Variants in DNAAF1 observed in about 807,000 individuals in gnomAD.
DNAAF1 encodes dynein axonemal assembly factor 1, also known as dynein assembly factor 1, axonemal.
Under a neutral mutation model 71.1 loss-of-function variants are expected in DNAAF1, and 65 were observed. The observed-to-expected ratio is 0.91, with a 90% CI of 0.75 to 1.12. The LOEUF is 1.12. Among genes scored for constraint, DNAAF1 ranks in the 50% most tolerant of loss-of-function variants. The probability of loss-of-function intolerance (pLI) is 0.00; values close to 1 mark genes in which losing one functional copy is unlikely to be tolerated. For missense variants in DNAAF1, 1,178 were observed against 899.8 expected (o/e 1.31, Z -3.96); for synonymous variants, 414 against 354.6 (o/e 1.17, Z -1.88).
At chr16:84,170,809 G>A (rs2088291467) in intron 8 of DNAAF1, among the ~76,000 whole-genome samples, 2 of 152,066 alleles carry the variant, frequency 1.3e-5, no homozygotes. Context: ...TCCAGCCTGG[G>A]TGACAGAGTG....
chr16:84,153,185 G>T (rs2087262669), intron 3 of DNAAF1, among the ~76,000 whole-genome samples: 1 of 152,132 alleles, frequency 6.6e-6, no homozygotes, highest in Non-Finnish European at 1.5e-5. Flanking sequence ...ACTGACTTCA[G>T]CATGAAGACC....
intron 8 of DNAAF1, 142 bp from the exon 9 acceptor site, chr16:84,172,118 C>G: frequency 1.3e-6 from 1 of 769,594 alleles, no homozygotes; most frequent in Non-Finnish European, 2.3e-6. Context: ...ACCTTGTGAT[C>G]CGCCCACCTT....
intron 5 of DNAAF1, among the ~76,000 whole-genome samples, chr16:84,157,593 T>G (rs193238557): frequency 8.5e-4 from 129 of 152,142 alleles, no homozygotes; most frequent in Non-Finnish European, 1.2e-3. Flanking sequence ...GAGTCCTCGC[T>G]AGTAGCCTTT....
chr16:84,155,667 T>A lies in DNAAF1; in HGVS notation c.659T>A (p.Leu220Ter). ...VEDIQHLQEC[L>*]RLCVLDLSHN... ...GACATTCAGCATCTACAAGAGTGTT[T>A]GAGGCTTTGTGTCCTTGACCTTTCG... The change falls in exon 5 of 12, where the codon TTG becomes TAG. Residue 220 changes from leucine to a stop codon, truncating the protein, a stop_gained. Transcript: ENST00000378553. LOFTEE classifies it high-confidence loss of function. The A allele has an allele frequency of 6.2e-7, 1 of 1,614,162 alleles. No individual in the cohort carries two copies. The highest frequency in any genetic ancestry group is 8.5e-7 in the Non-Finnish European group (1 of 1,180,038).
chr16:84,165,294 C>T (rs963857860), intron 6 of DNAAF1, among the ~76,000 whole-genome samples: 2 of 151,994 alleles, frequency 1.3e-5, no homozygotes, highest in Non-Finnish European at 2.9e-5. Context: ...TTTCCAGGTA[C>T]AAGACCCTTA....
chr16:84,155,812 CA>C, intron 5 of DNAAF1, 63 bp downstream of exon 5: 4 of 1,582,956 alleles, frequency 2.5e-6, no homozygotes, highest in Non-Finnish European at 3.4e-6. Context: ...TTATTTTCAT[CA>C]AATATCAAGT....
chr16:84,174,176 A>T (rs1396779270), intron 9 of DNAAF1: 1 of 1,006,194 alleles, frequency 9.9e-7, no homozygotes, highest in African/African-American at 1.7e-5. Context: ...CATGCATCCA[A>T]CCACACACTA....
At position 84,172,294 on chromosome 16, in the gene DNAAF1, A is replaced by G. The variant is rs2088404990; in HGVS notation, c.1563A>G (p.Val521=). 6.2e-7 allele frequency: 1 copy of G among 1,614,212 alleles called. No individual in the cohort carries two copies. The highest frequency in any genetic ancestry group is 1.1e-5 in the South Asian group (1 of 91,072). The change falls in exon 9 of 12, where the codon GTA becomes GTG. Residue 521 remains valine (V), a synonymous_variant. Transcript: ENST00000378553. ...CCCAGGCTGTGGCCACTGAGGGTGT[A>G]TTCGTTACAGAACTTGATGGAACGA... The part of the protein sequence containing the change: ...PTPQAVATEG[V]FVTELDGTRT...
chr16:84,147,949 T>A (rs1010071873), intron 1 of DNAAF1, among the ~76,000 whole-genome samples: 2 of 151,888 alleles, frequency 1.3e-5, no homozygotes, highest in African/African-American at 4.8e-5. Context: ...GCGCTGGTAA[T>A]CCTAGCTACT....
chr16:84,154,270 C>T (rs1194986310), intron 3 of DNAAF1, among the ~76,000 whole-genome samples: 1 of 152,122 alleles, frequency 6.6e-6, no homozygotes, highest in Non-Finnish European at 1.5e-5. Context: ...CTGGTGAGAG[C>T]TTGCTTTTTT....
chr16:84,167,112 T>A (rs1376791496), intron 7 of DNAAF1, among the ~76,000 whole-genome samples: 1 of 152,208 alleles, frequency 6.6e-6, no homozygotes, highest in Non-Finnish European at 1.5e-5. Flanking sequence ...AGGGTTCCCA[T>A]GACCCTCTCT....
At chr16:84,148,596 C>CTCTCTTTTTTTTTTTTTTTT in intron 1 of DNAAF1, among the ~76,000 whole-genome samples, 17 of 43,570 alleles carry the variant, frequency 3.9e-4, no homozygotes, top group African/African-American at 7.4e-4. Context: ...CTCTCTCTCT[C>CTCTCTTTTTTTTTTTTTTTT]TTTTTTTTTT....
chr16:84,163,041 T>A (rs757021706), intron 6 of DNAAF1, among the ~76,000 whole-genome samples: 2 of 152,180 alleles, frequency 1.3e-5, no homozygotes, highest in Non-Finnish European at 2.9e-5. Context: ...CATCCAGTAC[T>A]TCATTCCTTT....
In DNAAF1 at chr16:84,172,340, A is replaced by G. The variant is rs1176933189; in HGVS notation, c.1609A>G (p.Ile537Val). The change falls in exon 9 of 12, where the codon ATT (isoleucine) becomes GTT (valine). Residue 537 changes from isoleucine to valine, a missense_variant. Ile to Val is a conservative substitution (Grantham distance 29). Coordinates refer to ENST00000378553, the MANE Select transcript of DNAAF1 (RefSeq NM_178452.6). ...DGTRTEDLET[I>V]RLETKETFCI... ...AACGAGAACGGAAGATTTAGAAACCATTAGACTGGAGACAAAGGAGACATT... is the reference window on the plus strand; with the variant it reads ...AACGAGAACGGAAGATTTAGAAACCGTTAGACTGGAGACAAAGGAGACATT... 6 of 1,614,250 alleles carry G rather than the reference A, an allele frequency of 3.7e-6. No homozygotes were observed. The highest frequency in any genetic ancestry group is 1.6e-4 in the Middle Eastern group (1 of 6,062).
chr16:84,166,032 TG>T lies in DNAAF1; in HGVS notation c.1030+86del, dbSNP rs569109319. Reference sequence around the variant, plus strand: ...AGCTCTCAAACCCAGTCTTTAATCTTGGGAATTTTTTTTTTTTTTTTTTTTT... The same window carrying T: ...AGCTCTCAAACCCAGTCTTTAATCTTGGAATTTTTTTTTTTTTTTTTTTTT... On this transcript the variant is annotated intron_variant, in intron 7 of 11. Transcript: ENST00000378553. 1.1e-3 allele frequency: 1,575 copies of T among 1,470,724 alleles called. 22 individuals are homozygous for T. The African/African-American group carries it at 0.02, about 19-fold the overall frequency. The allele number at this position is 1,470,724 out of a possible 1,614,324, so 91.1% of individuals were successfully genotyped here. A position where few individuals can be genotyped will look rare whatever the true frequency, so the allele number is the denominator to read the frequency against.
At chr16:84,175,796 T>G (rs2088618704) in intron 10 of DNAAF1, 137 bp from the exon 11 acceptor site, 2 of 1,129,576 alleles carry the variant, frequency 1.8e-6, no homozygotes, top group African/African-American at 3.0e-5. Flanking sequence ...GAGTCCTGTG[T>G]TCCCTTGGGC....
chr16:84,177,654 G>A (rs2088801053), intron 11 of DNAAF1, 75 bp from the exon 12 acceptor site: 1 of 1,325,602 alleles, frequency 7.5e-7, no homozygotes, highest in Non-Finnish European at 1.1e-6. Flanking sequence ...GGCCTGGACT[G>A]AACCCCAAGG....
intron 6 of DNAAF1, among the ~76,000 whole-genome samples, chr16:84,162,459 T>A (rs2087760030): frequency 6.6e-6 from 1 of 152,044 alleles, no homozygotes; most frequent in South Asian, 2.1e-4. Context: ...ATGCAATGGC[T>A]TTGAGTATAT....
chr16:84,151,670 G>A (rs1263734987), intron 3 of DNAAF1, among the ~76,000 whole-genome samples: 3 of 152,266 alleles, frequency 2.0e-5, no homozygotes, highest in South Asian at 2.1e-4. Flanking sequence ...TCTGAGGGCC[G>A]GGAACTCGGG....
Sources: allele counts gnomAD v4.1 joint callset (sites outside exome capture counted in the v4.1 genomes callset), GRCh38; gene constraint gnomAD v4.1.1; transcripts MANE v1.5; gene names NCBI Gene and HGNC (gene_info 2026-07-23, HGNC 2026-07-21).